RGS7: variants seen among roughly 807,000 people sequenced by gnomAD.
The protein encoded by RGS7 is regulator of G-protein signaling 7.
RGS7 carries 27 observed loss-of-function variants against 81.1 expected under a neutral mutation model. The ratio of observed to expected loss-of-function variants is 0.33; its 90% CI spans 0.25 to 0.46. RGS7 has a LOEUF of 0.46. RGS7 is among the 20% of genes least tolerant of loss of function. The pLI, the probability that RGS7 is intolerant of heterozygous loss-of-function variation, is 1.00. For missense variants in RGS7, 396 were observed against 607.4 expected (o/e 0.65, Z 3.66); for synonymous variants, 208 against 207.7 (o/e 1.00, Z -0.01).
At chr1:241,295,698 T>C (rs2079383889) in intron 2 of RGS7, among the ~76,000 whole-genome samples, 2 of 152,304 alleles carry the variant, frequency 1.3e-5, no homozygotes, top group South Asian at 4.1e-4. Flanking sequence ...TAGAAAGGGC[T>C]GTTGTTGGAG....
At chr1:241,285,226 C>T (rs1427103882) in intron 2 of RGS7, among the ~76,000 whole-genome samples, 1 of 152,050 alleles carries the variant, frequency 6.6e-6, no homozygotes, top group Admixed American at 6.5e-5. Context: ...AGAGACCAGG[C>T]TTTTGTTGGG....
At chr1:241,057,611 A>C (rs942532824) in intron 3 of RGS7, among the ~76,000 whole-genome samples, 7 of 152,134 alleles carry the variant, frequency 4.6e-5, no homozygotes, top group African/African-American at 1.7e-4. Flanking sequence ...GTTCCTATTT[A>C]TCTCTGAGAG....
chr1:241,350,517 T>C (rs2083168000), intron 2 of RGS7, among the ~76,000 whole-genome samples: 2 of 152,140 alleles, frequency 1.3e-5, no homozygotes, highest in South Asian at 2.1e-4. Flanking sequence ...ATTCCTTCCT[T>C]TTCTAGTGCG....
At chr1:241,267,759 A>G (rs996054939) in intron 2 of RGS7, among the ~76,000 whole-genome samples, 4 of 152,132 alleles carry the variant, frequency 2.6e-5, no homozygotes, top group African/African-American at 9.7e-5. Flanking sequence ...TTTTAATTTC[A>G]CATAGCACTA....
intron 2 of RGS7, among the ~76,000 whole-genome samples, chr1:241,225,747 C>A (rs1573225838): frequency 6.6e-6 from 1 of 152,278 alleles, no homozygotes; most frequent in East Asian, 1.9e-4. Context: ...CTTTCTTGAG[C>A]TTGGTTATTT....
intron 2 of RGS7, among the ~76,000 whole-genome samples, chr1:241,311,660 G>A (rs1360051281): frequency 6.6e-6 from 1 of 152,172 alleles, no homozygotes; most frequent in South Asian, 2.1e-4. Flanking sequence ...ATTCAGCTGG[G>A]TGCAGTTTTT....
At chr1:241,247,135 CCTT>C (rs754462236) in intron 2 of RGS7, among the ~76,000 whole-genome samples, 2 of 152,156 alleles carry the variant, frequency 1.3e-5, no homozygotes, top group African/African-American at 2.4e-5. Flanking sequence ...TTGTCTGTCT[CCTT>C]CTGTAGGCTA....
intron 2 of RGS7, among the ~76,000 whole-genome samples, chr1:241,192,869 T>G (rs936794473): frequency 9.2e-5 from 14 of 152,162 alleles, no homozygotes; most frequent in African/African-American, 3.4e-4. Flanking sequence ...AGTAGAGATA[T>G]TTTAAAAATC....
chr1:241,295,464 A>AAG (rs2079367949), intron 2 of RGS7, among the ~76,000 whole-genome samples: 2 of 65,368 alleles, frequency 3.1e-5, no homozygotes, highest in Non-Finnish European at 8.5e-5. Flanking sequence ...AAAAAAGAAG[A>AAG]AAAAAAAAAG....
intron 3 of RGS7, among the ~76,000 whole-genome samples, chr1:241,069,201 A>G (rs986836770): frequency 4.6e-5 from 7 of 152,360 alleles, no homozygotes; most frequent in Admixed American, 6.5e-5. Flanking sequence ...AATCTTGGCC[A>G]CTATCATGTC....
chr1:241,043,751 C>T (rs1026992471), intron 3 of RGS7, among the ~76,000 whole-genome samples: 2 of 151,246 alleles, frequency 1.3e-5, no homozygotes, highest in African/African-American at 4.9e-5. Context: ...TAGAGTATAA[C>T]AACTATTTAT....
At chr1:241,334,341 C>G (rs2082127053) in intron 2 of RGS7, among the ~76,000 whole-genome samples, 1 of 152,176 alleles carries the variant, frequency 6.6e-6, no homozygotes, top group East Asian at 1.9e-4. Flanking sequence ...CTTGCACTTT[C>G]TTGTTGCTGG....
intron 6 of RGS7, among the ~76,000 whole-genome samples, chr1:240,899,086 C>A (rs1227191804): frequency 1.3e-5 from 2 of 151,982 alleles, no homozygotes; most frequent in Non-Finnish European, 2.9e-5. Flanking sequence ...ATCTGTTTTA[C>A]CAGAGACTAG....
rs546623386 is a variant in RGS7 at position 241,339,052 on chromosome 1, C to T, written c.78+16647G>A. ...TCCTGATGCTCTCTGCCCCCCAACC[C>T]CAACAGGCCCCAGTGCGTGTCGTTC... On this transcript the variant is annotated intron_variant, in intron 2 of 18. Coordinates refer to ENST00000440928, the MANE Select transcript of RGS7 (RefSeq NM_001364886.1). 1.2e-3 allele frequency among the ~76,000 whole-genome samples: 186 copies of T among 152,230 alleles called. No homozygotes were observed. The Middle Eastern group carries it at 0.014, about 11-fold the overall frequency.
At chr1:241,024,149 T>C (rs1361384799) in intron 3 of RGS7, among the ~76,000 whole-genome samples, 1 of 152,212 alleles carries the variant, frequency 6.6e-6, no homozygotes, top group Non-Finnish European at 1.5e-5. Context: ...CACCTAGCTT[T>C]GGCGGTCATG....
intron 6 of RGS7, among the ~76,000 whole-genome samples, chr1:240,891,201 T>G (rs958226359): frequency 5.3e-5 from 8 of 151,712 alleles, no homozygotes; most frequent in Non-Finnish European, 7.4e-5. Flanking sequence ...CCAGCATCAC[T>G]GGGGGGGTGG....
intron 4 of RGS7, among the ~76,000 whole-genome samples, chr1:240,982,494 A>T (rs957742938): frequency 6.6e-6 from 1 of 152,042 alleles, no homozygotes; most frequent in Non-Finnish European, 1.5e-5. Context: ...CAGGCAATGC[A>T]AAGTGTGAAC....
At chr1:240,846,305 A>G (rs952927277) in intron 9 of RGS7, among the ~76,000 whole-genome samples, 2 of 152,192 alleles carry the variant, frequency 1.3e-5, no homozygotes, top group East Asian at 3.9e-4. Context: ...CTGCTTAAAT[A>G]TTGTGGAAGT....
At chr1:241,282,118 T>C (rs2078548301) in intron 2 of RGS7, among the ~76,000 whole-genome samples, 1 of 152,206 alleles carries the variant, frequency 6.6e-6, no homozygotes, top group African/African-American at 2.4e-5. Flanking sequence ...ACCCTGTAAG[T>C]AGGTTTTCAG....
Sources: allele counts gnomAD v4.1 joint callset (sites outside exome capture counted in the v4.1 genomes callset), GRCh38; gene constraint gnomAD v4.1.1; transcripts MANE v1.5; gene names NCBI Gene and HGNC (gene_info 2026-07-23, HGNC 2026-07-21).